The following COQ2 variants were observed in gnomAD, a reference collection of about 807,000 sequenced individuals.
COQ2 encodes 4-hydroxybenzoate polyprenyltransferase, mitochondrial.
A neutral mutation model predicts 35.7 loss-of-function variants in COQ2; 25 were observed. The observed-to-expected ratio is 0.70, with a 90% CI of 0.51 to 0.98. The LOEUF is 0.98. COQ2 is among the 50% of genes least tolerant of loss of function. COQ2 has a pLI of 0.00. For missense variants in COQ2, 488 were observed against 473.5 expected (o/e 1.03, Z -0.28); for synonymous variants, 206 against 186.2 (o/e 1.11, Z -0.86).
chr4:83,276,431 G>C (rs889165329), intron 2 of COQ2, among the ~76,000 whole-genome samples: 1 of 152,000 alleles, frequency 6.6e-6, no homozygotes, highest in African/African-American at 2.4e-5. Context: ...TGTTTCTGTT[G>C]TGTTTCCTTT....
At chr4:83,285,018 A>C, upstream of COQ2, 1 of 805,442 alleles carries the variant, frequency 1.2e-6, no homozygotes, top group Non-Finnish European at 1.9e-6. Flanking sequence ...TTACAACTCG[A>C]TCTTGATTGA....
intron 3 of COQ2, among the ~76,000 whole-genome samples, chr4:83,272,698 G>A (rs1735076620): frequency 6.6e-6 from 1 of 152,084 alleles, no homozygotes; most frequent in South Asian, 2.1e-4. Flanking sequence ...AAACATTAAG[G>A]CATCTAATAA....
chr4:83,265,403 C>T (rs1206282702), intron 6 of COQ2, among the ~76,000 whole-genome samples: 4 of 152,022 alleles, frequency 2.6e-5, no homozygotes, highest in Non-Finnish European at 4.4e-5. Flanking sequence ...AGCCCCGTCT[C>T]TACTAAAAAA....
At chr4:83,264,939 T>C (rs949294087) in intron 6 of COQ2, among the ~76,000 whole-genome samples, 6 of 152,206 alleles carry the variant, frequency 3.9e-5, no homozygotes, top group African/African-American at 9.7e-5. Flanking sequence ...GCACAAGATA[T>C]TGACTGTATC....
chr4:83,283,794 G>A (rs1352906911), intron 1 of COQ2: 1 of 985,328 alleles, frequency 1.0e-6, no homozygotes, highest in Non-Finnish European at 1.2e-6. Context: ...TTAGTGGTGA[G>A]TGCTATTAAG....
At chr4:83,266,137 T>C (rs761347014) in intron 6 of COQ2, among the ~76,000 whole-genome samples, 19 of 152,156 alleles carry the variant, frequency 1.2e-4, no homozygotes, top group Non-Finnish European at 5.9e-5. Flanking sequence ...TGAGAAATTC[T>C]GAAGGGAAAA....
chr4:83,264,177 A>G lies in COQ2; in HGVS notation c.*22T>C. On this transcript the variant is annotated 3_prime_UTR_variant, in exon 7 of 7. Transcript: ENST00000647002. ...ATATTTTGTAAAAAATGTTTTAAAA[A>G]TTCCTAGATAAATTTCATTCATTAA... The G allele has an allele frequency of 2.7e-6, 3 of 1,121,854 alleles. No individual in the cohort carries two copies. The highest frequency in any genetic ancestry group is 3.7e-6 in the Non-Finnish European group (3 of 803,774). The allele number at this position is 1,121,854 out of a possible 1,614,324, so 69.5% of individuals were successfully genotyped here. A position where few individuals can be genotyped will look rare whatever the true frequency, so the allele number is the denominator to read the frequency against.
At chr4:83,267,872 T>C in intron 5 of COQ2, 98 bp from the exon 6 acceptor site, 1 of 1,040,196 alleles carries the variant, frequency 9.6e-7, no homozygotes, top group Non-Finnish European at 1.4e-6. Flanking sequence ...TTTTTGTATA[T>C]TCACAAGGTT....
At chr4:83,277,785 C>T (rs543474485) in intron 2 of COQ2, among the ~76,000 whole-genome samples, 19 of 152,254 alleles carry the variant, frequency 1.2e-4, no homozygotes, top group Admixed American at 5.2e-4. Context: ...GCCTGACCAA[C>T]GTGGAGAAAC....
In COQ2 at chr4:83,272,143, A is replaced by G. The variant is rs765374946; in HGVS notation, c.572T>C (p.Leu191Pro). ...TTTCATTAGTGGGTAGGTGATGACA[A>G]GAAGTAAGGATCCTGCTCCCAGAGC... ...SIALGAGSLL[L>P]VITYPLMKRI... The change falls in exon 4 of 7, where the codon CTT (leucine) becomes CCT (proline). Residue 191 changes from leucine (L) to proline (P), a missense_variant. Leu to Pro is a moderately conservative substitution (Grantham distance 98). Transcript: ENST00000647002. The G allele has an allele frequency of 9.3e-6, 15 of 1,611,114 alleles. No individual in the cohort carries two copies. In the South Asian group the frequency reaches 1.5e-4, roughly 17 times the overall value.
intron 4 of COQ2, 66 bp downstream of exon 4, chr4:83,272,021 C>T (rs753704510): frequency 2.1e-5 from 21 of 1,007,866 alleles, no homozygotes; most frequent in Non-Finnish European, 2.9e-5. Flanking sequence ...ACCTATTTAC[C>T]TATCTCTCCA....
At position 83,272,037 on chromosome 4, in the gene COQ2, G is replaced by A. The variant is rs373893545; in HGVS notation, c.628+50C>T. The A allele has an allele frequency of 1.8e-4, 213 of 1,184,460 alleles. 1 individual carries two copies. In the African/African-American group the frequency reaches 2.8e-3, roughly 15 times the overall value. The allele number at this position is 1,184,460 out of a possible 1,614,324, so 73.4% of individuals were successfully genotyped here. The stretch of plus-strand genomic sequence containing the variant: ...CCTATTTACCTATCTCTCCATAAAA[G>A]TGTAGTTTGCAAATATCAAAGGAAA... On this transcript the variant is annotated intron_variant, in intron 4 of 6. Coordinates refer to ENST00000647002, the MANE Select transcript of COQ2 (RefSeq NM_001358921.2).
At chr4:83,273,212 G>A (rs373279371) in intron 3 of COQ2, among the ~76,000 whole-genome samples, 4 of 152,144 alleles carry the variant, frequency 2.6e-5, no homozygotes, top group East Asian at 1.9e-4. Context: ...ATCCATGCAC[G>A]CACTTAGAAA....
intron 1 of COQ2, chr4:83,283,482 G>C: frequency 1.0e-6 from 1 of 985,444 alleles, no homozygotes; most frequent in South Asian, 4.7e-5. Flanking sequence ...CCCGCACTAA[G>C]ATCTCTTCCC....
rs77172546 is a variant in COQ2 at position 83,269,811 on chromosome 4, T to C, written c.762+49A>G. The stretch of plus-strand genomic sequence containing the variant: ...ATGCTTTCTCCTTAATTTGGTTCTT[T>C]AAAAACAGCAACAACTAAACCAAAG... On this transcript the variant is annotated intron_variant, in intron 5 of 6. Transcript: ENST00000647002. The C allele has an allele frequency of 1.8e-3, 2,600 of 1,434,914 alleles. 43 individuals are homozygous for C. The African/African-American group carries it at 0.033, about 18-fold the overall frequency. 88.9% of individuals were successfully genotyped at this position (1,434,914 alleles called of 1,614,324 possible). A position where few individuals can be genotyped will look rare whatever the true frequency, so the allele number is the denominator to read the frequency against.
chr4:83,278,524 A>G (rs948413864), intron 2 of COQ2, among the ~76,000 whole-genome samples: 6 of 152,258 alleles, frequency 3.9e-5, no homozygotes, highest in African/African-American at 1.4e-4. Flanking sequence ...TAAAAGAAAC[A>G]ATTATAGGAA....
intron 4 of COQ2, 59 bp from the exon 5 acceptor site, chr4:83,270,052 G>C (rs1317520135): frequency 6.4e-7 from 1 of 1,565,832 alleles, no homozygotes; most frequent in Admixed American, 1.8e-5. Flanking sequence ...AATCCTAAAG[G>C]GAAGGAGTGG....
chr4:83,274,743 C>T lies in COQ2; in HGVS notation c.421-1126G>A, dbSNP rs564111621. Among the ~76,000 whole-genome samples the T allele has an allele frequency of 2.6e-5, 4 of 152,264 alleles. No homozygotes were observed. The East Asian group carries it at 7.7e-4, about 29-fold the overall frequency. On this transcript the variant is annotated intron_variant, in intron 2 of 6. Coordinates refer to ENST00000647002, the MANE Select transcript of COQ2 (RefSeq NM_001358921.2). Reference sequence around the variant, plus strand: ...TTTGCTAAATTTGGGGCTTTTACAGCCAATATTTCTTCAATCATTTTTCAG... The same window carrying T: ...TTTGCTAAATTTGGGGCTTTTACAGTCAATATTTCTTCAATCATTTTTCAG...
At chr4:83,279,281 T>C (rs1262731236) in intron 1 of COQ2, among the ~76,000 whole-genome samples, 167 bp from the exon 2 acceptor site, 1 of 152,022 alleles carries the variant, frequency 6.6e-6, no homozygotes. Flanking sequence ...GACCCCTTAC[T>C]ACGCAGAGTG....
Sources: allele counts gnomAD v4.1 joint callset (sites outside exome capture counted in the v4.1 genomes callset), GRCh38; gene constraint gnomAD v4.1.1; transcripts MANE v1.5; gene names NCBI Gene and HGNC (gene_info 2026-07-23, HGNC 2026-07-21).